The following SHISA9 variants were observed in gnomAD, a reference collection of about 807,000 sequenced individuals.
The protein encoded by SHISA9 is protein shisa-9.
Under a neutral mutation model 38.0 loss-of-function variants are expected in SHISA9, and 13 were observed. That is an observed-to-expected ratio of 0.34 (90% CI 0.22 to 0.54). The LOEUF is 0.54. Among genes scored for constraint, SHISA9 ranks in the 20% least tolerant of loss-of-function variants. SHISA9 has a pLI of 0.91. For missense variants in SHISA9, 538 were observed against 575.8 expected (o/e 0.93, Z 0.67); for synonymous variants, 275 against 242.0 (o/e 1.14, Z -1.27).
the SHISA9 span, among the ~76,000 whole-genome samples, chr16:13,416,739 AAAGAAAGGAAGG>A: frequency 6.1e-5 from 6 of 99,016 alleles, no homozygotes; most frequent in African/African-American, 2.1e-4. Context: ...AGAAAGAAAG[AAAGAAAGGAAGG>A]AAGGAAGGAA....
the SHISA9 span, among the ~76,000 whole-genome samples, chr16:13,334,120 A>G: frequency 6.6e-6 from 1 of 152,214 alleles, no homozygotes; most frequent in African/African-American, 2.4e-5. Flanking sequence ...ATCTCATTTC[A>G]TATCAAGAAT....
chr16:13,526,870 G>T, the SHISA9 span, among the ~76,000 whole-genome samples: 1 of 152,186 alleles, frequency 6.6e-6, no homozygotes, highest in Non-Finnish European at 1.5e-5. Context: ...TACATCCATG[G>T]TGAAGAACCC....
chr16:13,360,036 T>G, the SHISA9 span, among the ~76,000 whole-genome samples: 1 of 152,162 alleles, frequency 6.6e-6, no homozygotes, highest in African/African-American at 2.4e-5. Context: ...CTTGGGGAAC[T>G]TGACTTGCTG....
chr16:13,518,918 G>C, the SHISA9 span, among the ~76,000 whole-genome samples: 1 of 152,138 alleles, frequency 6.6e-6, no homozygotes, highest in African/African-American at 2.4e-5. Context: ...GAGGAAAAAA[G>C]GGGGTGAACT....
the SHISA9 span, among the ~76,000 whole-genome samples, chr16:13,520,335 C>T: frequency 8.7e-3 from 1,325 of 152,198 alleles, 7 homozygotes; most frequent in Admixed American, 0.014. Flanking sequence ...CGTGGTGGCT[C>T]ACGCCTGTAA....
the SHISA9 span, among the ~76,000 whole-genome samples, chr16:13,437,769 CTA>C: frequency 6.6e-6 from 1 of 152,102 alleles, no homozygotes; most frequent in African/African-American, 2.4e-5. Flanking sequence ...ATCCAAGGTC[CTA>C]TCAGTGAGGA....
intron 2 of SHISA9, among the ~76,000 whole-genome samples, chr16:13,177,948 A>G (rs2050745516): frequency 6.6e-6 from 1 of 152,170 alleles, no homozygotes; most frequent in Admixed American, 6.5e-5. Context: ...GATTACAAGC[A>G]TGAGTCACTG....
intron 2 of SHISA9, among the ~76,000 whole-genome samples, chr16:13,006,203 C>G (rs1231384134): frequency 1.3e-5 from 2 of 152,226 alleles, no homozygotes; most frequent in African/African-American, 2.4e-5. Flanking sequence ...CTGCCAGATT[C>G]TTTACTTCCA....
intron 2 of SHISA9, among the ~76,000 whole-genome samples, chr16:13,019,806 TTCTTTCTTTCTTTC>T (rs2072806200): frequency 7.0e-6 from 1 of 142,342 alleles, no homozygotes; most frequent in East Asian, 2.1e-4. Flanking sequence ...CTTTCTTTCT[TTCTTTCTTTCTTTC>T]TTTCTTTCTT....
chr16:13,187,222 G>T (rs1252539152), intron 2 of SHISA9, among the ~76,000 whole-genome samples: 2 of 152,098 alleles, frequency 1.3e-5, no homozygotes, highest in Admixed American at 1.3e-4. Flanking sequence ...CAAGTTCTCT[G>T]GCTCTGCATG....
chr16:13,068,380 TAAA>T (rs2073459041), intron 2 of SHISA9, among the ~76,000 whole-genome samples: 1 of 152,122 alleles, frequency 6.6e-6, no homozygotes, highest in Admixed American at 6.5e-5. Context: ...GACCTGAAAA[TAAA>T]AAGGTTCATA....
At position 12,941,584 on chromosome 16, in the gene SHISA9, A is replaced by G. The variant is rs954853292; in HGVS notation, c.691+24769A>G. Among the ~76,000 whole-genome samples the G allele has an allele frequency of 2.0e-5, 3 of 152,308 alleles. No homozygotes were observed. In the East Asian group the frequency reaches 5.8e-4, roughly 29 times the overall value. ...TATAAAATTAAAACTGTACAATTAA[A>G]TTATTTTGTCATGCCTATAATCCTA... On this transcript the variant is annotated intron_variant, in intron 2 of 4. Coordinates refer to ENST00000558583, the MANE Select transcript of SHISA9 (RefSeq NM_001145204.3).
chr16:13,196,605 G>C (rs2050945934), intron 2 of SHISA9, among the ~76,000 whole-genome samples: 2 of 152,046 alleles, frequency 1.3e-5, no homozygotes, highest in Admixed American at 1.3e-4. Flanking sequence ...TAAAAACTAA[G>C]GAAACTCAAA....
chr16:13,367,712 GCACACACACACACACACACACA>G, the SHISA9 span, among the ~76,000 whole-genome samples: 7 of 104,640 alleles, frequency 6.7e-5, no homozygotes, highest in African/African-American at 2.4e-4. Flanking sequence ...GCGCGCGCGC[GCACACACACACACACACACACA>G]CACACACACA....
the SHISA9 span, among the ~76,000 whole-genome samples, chr16:13,315,367 G>A: frequency 1.2e-3 from 176 of 152,288 alleles, no homozygotes; most frequent in African/African-American, 4.2e-3. Flanking sequence ...CACATGACAG[G>A]GTCTTAGTAA....
chr16:13,322,552 G>A, the SHISA9 span, among the ~76,000 whole-genome samples: 225 of 152,288 alleles, frequency 1.5e-3, 1 homozygote, highest in East Asian at 6.9e-3. Flanking sequence ...AGTTTTGAAG[G>A]TTAGCAGGGG....
chr16:13,267,885 T>A, the SHISA9 span, among the ~76,000 whole-genome samples: 1 of 151,774 alleles, frequency 6.6e-6, no homozygotes, highest in Non-Finnish European at 1.5e-5. Context: ...GTTTTTTTTT[T>A]TTTTTTGGCT....
the SHISA9 span, among the ~76,000 whole-genome samples, chr16:13,309,642 C>CA: frequency 0.026 from 1,721 of 65,226 alleles, 19 homozygotes; most frequent in African/African-American, 0.037. Flanking sequence ...GACTCAGTCT[C>CA]AAAAAAAAAA....
intron 2 of SHISA9, among the ~76,000 whole-genome samples, chr16:12,965,662 G>A (rs1421226477): frequency 1.3e-5 from 2 of 152,148 alleles, no homozygotes; most frequent in African/African-American, 4.8e-5. Flanking sequence ...CAGGGTCTGG[G>A]GTTTACTCCC....
Sources: allele counts gnomAD v4.1 joint callset (sites outside exome capture counted in the v4.1 genomes callset), GRCh38; gene constraint gnomAD v4.1.1; transcripts MANE v1.5; gene names NCBI Gene and HGNC (gene_info 2026-07-23, HGNC 2026-07-21).